Variants in NXPE1 observed in about 807,000 individuals in gnomAD.
NXPE1 encodes the protein NXPE family member 1.
Under a neutral mutation model 33.3 loss-of-function variants are expected in NXPE1, and 31 were observed. The ratio of observed to expected loss-of-function variants is 0.93; its 90% CI spans 0.70 to 1.26. The LOEUF (loss-of-function observed/expected upper bound fraction) is 1.26, where lower values mean the gene tolerates loss of function less well. Ranked by LOEUF, NXPE1 falls within the 50% of genes most tolerant of loss-of-function variation. The pLI, the probability that NXPE1 is intolerant of heterozygous loss-of-function variation, is 0.00. For missense variants in NXPE1, 661 were observed against 655.6 expected, an observed-to-expected ratio of 1.01 and a Z score of -0.09; for synonymous variants, 229 against 231.4, an observed-to-expected ratio of 0.99 and a Z score of 0.09.
chr11:114,550,832 T>C (rs1433691078), intron 5 of NXPE1, among the ~76,000 whole-genome samples: 1 of 152,154 alleles, frequency 6.6e-6, no homozygotes, highest in East Asian at 1.9e-4. Context: ...TATTTACTGA[T>C]GAGGAAGTTG....
exon 9 of NXPE1, chr11:114,521,891 A>G: frequency 8.8e-7 from 1 of 1,141,440 alleles, no homozygotes; most frequent in Non-Finnish European, 1.3e-6. Flanking sequence ...TCCTAAAATG[A>G]GTAAAACTTA....
intron 7 of NXPE1, among the ~76,000 whole-genome samples, chr11:114,526,900 CA>C (rs371964749): frequency 3.5e-4 from 54 of 152,282 alleles, no homozygotes; most frequent in African/African-American, 1.2e-3. Context: ...TTAAATCCAG[CA>C]ACACTACCCA....
chr11:114,556,286 A>G (rs1269311670), intron 1 of NXPE1, among the ~76,000 whole-genome samples: 1 of 152,202 alleles, frequency 6.6e-6, no homozygotes, highest in Admixed American at 6.5e-5. Context: ...TGGAACTCAA[A>G]ACCTACAAAC....
At chr11:114,556,291 A>G (rs1948646025) in intron 1 of NXPE1, among the ~76,000 whole-genome samples, 1 of 152,214 alleles carries the variant, frequency 6.6e-6, no homozygotes. Flanking sequence ...CTCAAAACCT[A>G]CAAACTCTGT....
At chr11:114,544,752 T>C (rs923609481) in intron 5 of NXPE1, among the ~76,000 whole-genome samples, 1 of 152,164 alleles carries the variant, frequency 6.6e-6, no homozygotes, top group African/African-American at 2.4e-5. Context: ...GCTTCTGCCC[T>C]GTGAAAGACA....
chr11:114,557,634 C>CATAT lies in NXPE1; in HGVS notation c.-211+2160_-211+2163dup, dbSNP rs4019608. ...ACACCACAATATATTATATATAATACATATATATATATATATATATATATA... is the reference window on the plus strand; with the variant it reads ...ACACCACAATATATTATATATAATACATATATATATATATATATATATATATATA... On this transcript the variant is annotated intron_variant, in intron 1 of 8. Transcript: ENST00000534921. 6.1e-3 allele frequency among the ~76,000 whole-genome samples: 780 copies of CATAT among 128,208 alleles called. 3 individuals carry two copies. Among genetic ancestry groups the CATAT allele is most frequent in the Admixed American group, 8.7e-3 (103 of 11,874 alleles). The allele number at this position is 128,208 out of a possible 152,430, so 84.1% of individuals were successfully genotyped here.
chr11:114,538,016 T>A (rs1947909329), intron 5 of NXPE1, among the ~76,000 whole-genome samples: 2 of 152,198 alleles, frequency 1.3e-5, no homozygotes, highest in Admixed American at 6.5e-5. Context: ...TCCCGCTACC[T>A]GACTTCAAAC....
downstream of NXPE1, among the ~76,000 whole-genome samples, chr11:114,519,923 G>T (rs762050370): frequency 1.7e-5 from 2 of 117,802 alleles, no homozygotes; most frequent in Non-Finnish European, 3.3e-5. Flanking sequence ...ACAGAGTCTC[G>T]CTCTGTAGCC....
In NXPE1 at chr11:114,535,799, A is replaced by G. The variant is rs1169582646; in HGVS notation, c.100-4891T>C. Among the ~76,000 whole-genome samples the G allele has an allele frequency of 2.0e-5, 3 of 152,320 alleles. No individual in the cohort carries two copies. In the East Asian group the frequency reaches 5.8e-4, roughly 29 times the overall value. ...TCATAAAGCAAGTCCTTAGTGACCTACAAAGAGACTTAGACTCCGACACAA... is the reference window on the plus strand; with the variant it reads ...TCATAAAGCAAGTCCTTAGTGACCTGCAAAGAGACTTAGACTCCGACACAA... On this transcript the variant is annotated intron_variant, in intron 5 of 8. Coordinates refer to ENST00000534921, the Ensembl canonical transcript of NXPE1.
At chr11:114,521,844 TC>T in exon 9 of NXPE1, 1 of 737,298 alleles carries the variant, frequency 1.4e-6, no homozygotes, top group South Asian at 2.0e-5. Context: ...ATAGCCTTCC[TC>T]CCCAAACAGA....
At chr11:114,553,810 C>G (rs1364239475) in intron 1 of NXPE1, 8 of 971,538 alleles carry the variant, frequency 8.2e-6, no homozygotes, top group Non-Finnish European at 9.8e-6. Flanking sequence ...AAAGCCTATT[C>G]ATGCACATTT....
chr11:114,521,601 A>G (rs1947212841), downstream of NXPE1: 1 of 176,946 alleles, frequency 5.7e-6, no homozygotes, highest in African/African-American at 2.4e-5. Context: ...GATTATTGCT[A>G]ATGGGTTATC....
intron 5 of NXPE1, among the ~76,000 whole-genome samples, chr11:114,537,967 C>T (rs1259770985): frequency 1.3e-5 from 2 of 152,136 alleles, no homozygotes; most frequent in East Asian, 3.8e-4. Flanking sequence ...GCCCACATTG[C>T]CAAGTCAATC....
intron 7 of NXPE1, among the ~76,000 whole-genome samples, chr11:114,526,096 C>T (rs1565297339): frequency 6.6e-6 from 1 of 152,098 alleles, no homozygotes; most frequent in Non-Finnish European, 1.5e-5. Context: ...AAAACTTGAC[C>T]CTCTGCTGTG....
At chr11:114,538,949 A>G (rs1947964862) in intron 5 of NXPE1, among the ~76,000 whole-genome samples, 2 of 152,172 alleles carry the variant, frequency 1.3e-5, no homozygotes, top group South Asian at 2.1e-4. Context: ...TACCCAAAGG[A>G]TTATAAATCA....
At chr11:114,541,704 A>T (rs1370618696) in intron 5 of NXPE1, among the ~76,000 whole-genome samples, 4 of 152,176 alleles carry the variant, frequency 2.6e-5, no homozygotes, top group African/African-American at 4.8e-5. Context: ...GGTAAATTTA[A>T]TCATTTCTGG....
chr11:114,552,222 T>C (rs1345209563), intron 2 of NXPE1, 137 bp from the exon 3 acceptor site: 1 of 152,222 alleles, frequency 6.6e-6, no homozygotes, highest in African/African-American at 2.4e-5. Context: ...ACCTTCTGAT[T>C]GATCTATGAC....
At chr11:114,548,837 A>G (rs889174905) in intron 5 of NXPE1, among the ~76,000 whole-genome samples, 4 of 151,934 alleles carry the variant, frequency 2.6e-5, no homozygotes, top group African/African-American at 7.2e-5. Context: ...AATACAGAAA[A>G]ATAGTAGAAG....
At chr11:114,532,178 G>A (rs1947609831) in intron 5 of NXPE1, among the ~76,000 whole-genome samples, 1 of 152,144 alleles carries the variant, frequency 6.6e-6, no homozygotes, top group African/African-American at 2.4e-5. Flanking sequence ...TAACAAACTG[G>A]CAGAGTAAGC....
Sources: allele counts gnomAD v4.1 joint callset (sites outside exome capture counted in the v4.1 genomes callset), GRCh38; gene constraint gnomAD v4.1.1; transcripts MANE v1.5; gene names NCBI Gene and HGNC (gene_info 2026-07-23, HGNC 2026-07-21).